OSBPL10: variants seen among roughly 807,000 people sequenced by gnomAD.
OSBPL10 encodes oxysterol-binding protein-related protein 10.
OSBPL10 carries 49 observed loss-of-function variants against 81.7 expected under a neutral mutation model. The observed-to-expected ratio is 0.60, with a 90% confidence interval of 0.48 to 0.76. The LOEUF (loss-of-function observed/expected upper bound fraction) is 0.76, where lower values mean the gene tolerates loss of function less well. Among genes scored for constraint, OSBPL10 ranks in the 30% least tolerant of loss-of-function variants. The pLI is 0.00. For synonymous variants in OSBPL10, 419 were observed against 383.6 expected (o/e 1.09, Z -1.08); for missense variants, 923 against 987.8 (o/e 0.93, Z 0.88).
At chr3:31,984,094 G>C (rs1372412522), upstream of OSBPL10, among the ~76,000 whole-genome samples, 3 of 152,084 alleles carry the variant, frequency 2.0e-5, no homozygotes, top group Admixed American at 6.5e-5. Flanking sequence ...CTGGAGTGTA[G>C]TGGCACGACC....
intron 1 of OSBPL10, among the ~76,000 whole-genome samples, 193 bp from the exon 2 acceptor site, chr3:31,880,023 T>A (rs1370951060): frequency 6.6e-6 from 1 of 152,088 alleles, no homozygotes; most frequent in Non-Finnish European, 1.5e-5. Flanking sequence ...TAAATCAGAG[T>A]GGCGCTCATA....
chr3:31,714,033 A>G (rs939653616), intron 6 of OSBPL10: 1 of 152,182 alleles, frequency 6.6e-6, no homozygotes, highest in Admixed American at 6.5e-5. Context: ...GATTCTGAGG[A>G]GGCTGGGTAA....
At chr3:31,743,335 G>C (rs975436355) in intron 5 of OSBPL10, among the ~76,000 whole-genome samples, 1 of 152,020 alleles carries the variant, frequency 6.6e-6, no homozygotes, top group African/African-American at 2.4e-5. Flanking sequence ...CACCATACCC[G>C]GCCAAATTAC....
intron 1 of OSBPL10, among the ~76,000 whole-genome samples, chr3:31,882,992 G>C (rs1320158172): frequency 6.6e-6 from 1 of 152,198 alleles, no homozygotes; most frequent in South Asian, 2.1e-4. Context: ...TAACTTCTGA[G>C]CAGCAAATGG....
At chr3:32,034,442 G>GAAAAAA (rs34903839) in intron 2 of OSBPL10, among the ~76,000 whole-genome samples, 1 of 130,454 alleles carries the variant, frequency 7.7e-6, no homozygotes, top group Non-Finnish European at 1.6e-5. Context: ...CCCTGTAGCG[G>GAAAAAA]AAAAAAAAAA....
At chr3:31,843,177 C>A (rs144505995) in intron 3 of OSBPL10, among the ~76,000 whole-genome samples, 36 of 152,340 alleles carry the variant, frequency 2.4e-4, no homozygotes, top group African/African-American at 8.4e-4. Flanking sequence ...GGAAAGTCCA[C>A]AGCAACTGTT....
intron 4 of OSBPL10, among the ~76,000 whole-genome samples, chr3:31,801,110 A>G (rs1699367510): frequency 6.6e-6 from 1 of 152,152 alleles, no homozygotes; most frequent in Non-Finnish European, 1.5e-5. Context: ...GGATTCAGCC[A>G]CCTGGACTTG....
intron 4 of OSBPL10, among the ~76,000 whole-genome samples, chr3:31,792,844 C>T (rs1001498889): frequency 1.5e-5 from 2 of 131,634 alleles, no homozygotes; most frequent in Non-Finnish European, 3.2e-5. Flanking sequence ...TTTGCACTCT[C>T]AGCTATCTAG....
chr3:31,855,639 T>C (rs1190564634), intron 3 of OSBPL10, among the ~76,000 whole-genome samples: 1 of 152,178 alleles, frequency 6.6e-6, no homozygotes, highest in Non-Finnish European at 1.5e-5. Context: ...GCAGTGTTTG[T>C]TGAATGCTAC....
rs376845663 is a variant in OSBPL10, at chr3:32,053,276, T to C, written n.186-6673A>G. Among the ~76,000 whole-genome samples, 52 of 152,356 alleles carry C rather than the reference T, an allele frequency of 3.4e-4. 2 individuals are homozygous for C. The highest frequency in any genetic ancestry group is 1.2e-3 in the South Asian group (6 of 4,830). Reference sequence around the variant, plus strand: ...AAAAGGTTATAAGAAGGCATGGGAATGTGGATTTTTCAACTAAAGGGTTAA... The same window carrying C: ...AAAAGGTTATAAGAAGGCATGGGAACGTGGATTTTTCAACTAAAGGGTTAA... On this transcript the variant is annotated intron_variant and non_coding_transcript_variant, in intron 1 of 3. Transcript: ENST00000479173.
chr3:31,882,306 A>C (rs977089667), intron 1 of OSBPL10, among the ~76,000 whole-genome samples: 1 of 152,194 alleles, frequency 6.6e-6, no homozygotes, highest in Non-Finnish European at 1.5e-5. Flanking sequence ...TCATTCTAAT[A>C]ACGGTATTTC....
At chr3:31,675,169 G>A (rs1019280182) in intron 8 of OSBPL10, among the ~76,000 whole-genome samples, 22 of 110,124 alleles carry the variant, frequency 2.0e-4, no homozygotes, top group Non-Finnish European at 2.7e-4. Flanking sequence ...GTCCTTAATC[G>A]GGATACCTTG....
intron 4 of OSBPL10, among the ~76,000 whole-genome samples, chr3:31,808,669 C>T (rs1028493153): frequency 6.6e-6 from 1 of 152,220 alleles, no homozygotes; most frequent in Non-Finnish European, 1.5e-5. Context: ...TTAAAAGGCA[C>T]TTGAAAACAA....
At position 31,873,588 on chromosome 3, in the gene OSBPL10, C is replaced by T. The variant is rs186591437; in HGVS notation, c.537+2845G>A. 3.3e-5 allele frequency among the ~76,000 whole-genome samples: 5 copies of T among 152,128 alleles called. No homozygotes were observed. In the East Asian group the frequency reaches 9.7e-4, roughly 29 times the overall value. On this transcript the variant is annotated intron_variant, in intron 3 of 11. Coordinates refer to ENST00000396556, the MANE Select transcript of OSBPL10 (RefSeq NM_017784.5). ...AGGGAACACAATGTTATTTTTTTCCCACCCTGAACACGATTTTACGTAAGA... is the reference window on the plus strand; with the variant it reads ...AGGGAACACAATGTTATTTTTTTCCTACCCTGAACACGATTTTACGTAAGA...
At chr3:31,999,161 T>G (rs1350678529) in intron 2 of OSBPL10, among the ~76,000 whole-genome samples, 1 of 152,124 alleles carries the variant, frequency 6.6e-6, no homozygotes, top group Non-Finnish European at 1.5e-5. Context: ...TCACTGTAAC[T>G]CCAGACTGCA....
intron 3 of OSBPL10, among the ~76,000 whole-genome samples, chr3:31,837,445 A>G (rs999397331): frequency 6.7e-6 from 1 of 149,928 alleles, no homozygotes; most frequent in African/African-American, 2.4e-5. Context: ...TCTGAAAACA[A>G]GGAATAAAAA....
intron 1 of OSBPL10, among the ~76,000 whole-genome samples, chr3:31,887,619 T>C (rs1371145949): frequency 6.6e-6 from 1 of 152,196 alleles, no homozygotes; most frequent in Non-Finnish European, 1.5e-5. Context: ...TATAGTAGTC[T>C]TGTCATCTTA....
chr3:31,743,939 T>C (rs1158699307), intron 5 of OSBPL10, among the ~76,000 whole-genome samples: 1 of 152,222 alleles, frequency 6.6e-6, no homozygotes, highest in East Asian at 1.9e-4. Flanking sequence ...AAACACATTT[T>C]GTGGCAGCAC....
At chr3:31,725,857 G>A (rs892356409) in intron 6 of OSBPL10, among the ~76,000 whole-genome samples, 5 of 152,146 alleles carry the variant, frequency 3.3e-5, no homozygotes, top group Admixed American at 6.5e-5. Context: ...CATTCATTAC[G>A]TACTTAAGAG....
Sources: gnomAD v4.1 joint callset for allele counts (sites outside exome capture counted in the v4.1 genomes callset) on GRCh38, gnomAD v4.1.1 for gene constraint, MANE v1.5 for transcripts, NCBI Gene and HGNC (gene_info 2026-07-23, HGNC 2026-07-21) for gene names.